The following DPH6 variants were observed in gnomAD, a reference collection of about 807,000 sequenced individuals.
DPH6 encodes diphthamine biosynthesis 6, also known as diphthine--ammonia ligase.
In DPH6, 33 loss-of-function variants were observed where a neutral mutation model predicts 38.2. The observed-to-expected ratio is 0.86, with a 90% CI of 0.65 to 1.15. The LOEUF (loss-of-function observed/expected upper bound fraction) is 1.15. Ranked by LOEUF, DPH6 falls within the 50% of genes most tolerant of loss-of-function variation. DPH6 has a pLI of 0.00. For synonymous variants in DPH6, 108 were observed against 103.0 expected (o/e 1.05, Z -0.30); for missense variants, 325 against 320.0 (o/e 1.02, Z -0.12).
chr15:35,317,309 G>T (rs2052199405), intron 3 of DPH6, among the ~76,000 whole-genome samples: 1 of 140,612 alleles, frequency 7.1e-6, no homozygotes. Context: ...AGGAAAGAGA[G>T]AAAGAAGGAA....
At chr15:35,249,258 T>C (rs1356050304) in intron 3 of DPH6, among the ~76,000 whole-genome samples, 2 of 152,150 alleles carry the variant, frequency 1.3e-5, no homozygotes, top group African/African-American at 4.8e-5. Context: ...TTCCTGTAGA[T>C]AAAATTTCTC....
chr15:35,367,957 ACAACCAAT>A (rs1428752364), downstream of DPH6, among the ~76,000 whole-genome samples: 5 of 151,930 alleles, frequency 3.3e-5, no homozygotes, highest in Admixed American at 2.0e-4. Flanking sequence ...TATGAAAATA[ACAACCAAT>A]TAAATTAAAA....
intron 3 of DPH6, chr15:35,237,125 T>G (rs1261498095): frequency 3.4e-6 from 2 of 581,724 alleles, no homozygotes; most frequent in Non-Finnish European, 6.1e-6. Context: ...TACTTGATGG[T>G]AATCTTTACA....
chr15:35,266,032 T>A (rs2051782229), intron 3 of DPH6, among the ~76,000 whole-genome samples: 2 of 152,216 alleles, frequency 1.3e-5, no homozygotes, highest in Non-Finnish European at 2.9e-5. Flanking sequence ...TTACAAAATG[T>A]TCTTTTACAA....
chr15:35,496,563 A>ATATATATATATATATATATATAT (rs1555406393), intron 3 of DPH6, among the ~76,000 whole-genome samples: 23 of 15,996 alleles, frequency 1.4e-3, no homozygotes, highest in Non-Finnish European at 2.5e-3. Flanking sequence ...CTCAAAAAAA[A>ATATATATATATATATATATATAT]AAAAATATAT....
intron 3 of DPH6, among the ~76,000 whole-genome samples, chr15:35,531,622 C>T (rs1595447961): frequency 6.6e-6 from 1 of 152,026 alleles, no homozygotes; most frequent in Non-Finnish European, 1.5e-5. Context: ...TACAGGCACG[C>T]ACCACCACGC....
rs141914309 is a variant in DPH6, at chr15:35,484,206, T to C, written c.313-29386A>G. Among the ~76,000 whole-genome samples the C allele has an allele frequency of 6.4e-3, 969 of 152,234 alleles. 14 individuals carry two copies. The highest frequency in any genetic ancestry group is 0.022 in the African/African-American group (922 of 41,526). On this transcript the variant is annotated intron_variant, in intron 3 of 8. Transcript: ENST00000256538. ...TAACAATGAATAAGAGGTAGGGAAA[T>C]AGTGATGGAACAAGTTTAGCAATAT...
intron 3 of DPH6, among the ~76,000 whole-genome samples, chr15:35,483,794 G>C: frequency 6.6e-6 from 1 of 152,266 alleles, no homozygotes; most frequent in Non-Finnish European, 1.5e-5. Flanking sequence ...TTCAATTTTC[G>C]ATTAATTTGT....
intron 6 of DPH6, among the ~76,000 whole-genome samples, chr15:35,386,426 A>G (rs1421451230): frequency 2.0e-5 from 3 of 152,204 alleles, no homozygotes; most frequent in South Asian, 4.1e-4. Context: ...TCGCCACACC[A>G]ACTTCCACAA....
intron 4 of DPH6, among the ~76,000 whole-genome samples, chr15:35,452,835 T>C (rs1385175640): frequency 6.6e-6 from 1 of 152,208 alleles, no homozygotes; most frequent in African/African-American, 2.4e-5. Flanking sequence ...ATTTGAGCCA[T>C]GATATTTTGA....
At chr15:35,534,377 C>CAAA (rs55974798) in intron 3 of DPH6, among the ~76,000 whole-genome samples, 3 of 104,210 alleles carry the variant, frequency 2.9e-5, no homozygotes, top group Admixed American at 2.0e-4. Context: ...AACTCTGTCT[C>CAAA]AAAAAAAAAA....
intron 6 of DPH6, among the ~76,000 whole-genome samples, chr15:35,408,713 G>GT (rs1367329852): frequency 6.6e-6 from 1 of 151,972 alleles, no homozygotes; most frequent in African/African-American, 2.4e-5. Flanking sequence ...AGATGTGTTT[G>GT]TAACTGGTAA....
At chr15:35,380,533 A>G (rs1381565611) in intron 7 of DPH6, among the ~76,000 whole-genome samples, 1 of 152,062 alleles carries the variant, frequency 6.6e-6, no homozygotes, top group African/African-American at 2.4e-5. Flanking sequence ...CATGTTTTCC[A>G]CTTATTGCTG....
At chr15:35,438,320 C>T (rs886286399) in intron 5 of DPH6, among the ~76,000 whole-genome samples, 1 of 152,074 alleles carries the variant, frequency 6.6e-6, no homozygotes, top group East Asian at 1.9e-4. Context: ...TGCAGTGGTG[C>T]GATCTCAGCT....
chr15:35,454,633 G>T, intron 4 of DPH6, 114 bp downstream of exon 4: 1 of 817,532 alleles, frequency 1.2e-6, no homozygotes, highest in Non-Finnish European at 1.9e-6. Context: ...TTAGTTCCAT[G>T]GAGCACGTAG....
the DPH6 span, among the ~76,000 whole-genome samples, chr15:35,212,222 C>G: frequency 6.7e-6 from 1 of 148,302 alleles, no homozygotes; most frequent in South Asian, 2.1e-4. Flanking sequence ...CTGTGGACCA[C>G]TTTTTTTTTT....
exon 4 of DPH6, chr15:35,219,845 A>G (rs2051431217): frequency 6.6e-6 from 1 of 152,178 alleles, no homozygotes; most frequent in Non-Finnish European, 1.5e-5. Context: ...AACAATAGGT[A>G]ATTTTATCTG....
At chr15:35,501,133 CT>C (rs2054621346) in intron 3 of DPH6, among the ~76,000 whole-genome samples, 1 of 152,066 alleles carries the variant, frequency 6.6e-6, no homozygotes, top group Non-Finnish European at 1.5e-5. Flanking sequence ...TACTTCTTCC[CT>C]TTTTCCCATC....
At chr15:35,162,272 T>C in the DPH6 span, among the ~76,000 whole-genome samples, 1 of 151,956 alleles carries the variant, frequency 6.6e-6, no homozygotes. Context: ...CAGAAAATGC[T>C]ACTTTCCCTG....
Sources: allele counts gnomAD v4.1 joint callset (sites outside exome capture counted in the v4.1 genomes callset), GRCh38; gene constraint gnomAD v4.1.1; transcripts MANE v1.5; gene names NCBI Gene and HGNC (gene_info 2026-07-23, HGNC 2026-07-21).